Variants in RCC2 observed in about 807,000 individuals in gnomAD.
The protein encoded by RCC2 is regulator of chromosome condensation 2.
A neutral mutation model predicts 64.1 loss-of-function variants in RCC2; 19 were observed. That is an observed-to-expected ratio of 0.30 (90% confidence interval 0.21 to 0.44). RCC2 has a LOEUF of 0.44. RCC2 is among the 20% of genes least tolerant of loss of function. RCC2 has a pLI of 1.00. For synonymous variants in RCC2, 325 were observed against 279.6 expected, an observed-to-expected ratio of 1.16 and a Z score of -1.62; for missense variants, 508 against 710.4, an observed-to-expected ratio of 0.72 and a Z score of 3.24.
At position 17,409,941 on chromosome 1, in the gene RCC2, C is replaced by T. The variant is rs375045285; in HGVS notation, c.1464+33G>A. The stretch of plus-strand genomic sequence containing the variant: ...AGTGACATACCACTGGGTACGGACA[C>T]GTCCCCGAGCTGGCACAGCTGCCCC... On this transcript the variant is annotated intron_variant, in intron 12 of 12. Transcript: ENST00000375436. 3.8e-4 allele frequency: 593 copies of T among 1,580,410 alleles called. 7 individuals carry two copies. In the South Asian group the frequency reaches 6.1e-3, roughly 16 times the overall value.
intron 7 of RCC2, among the ~76,000 whole-genome samples, chr1:17,417,117 T>A (rs6586538): frequency 6.6e-6 from 1 of 152,008 alleles, no homozygotes; most frequent in Admixed American, 6.5e-5. Context: ...AAAAGCTCCA[T>A]ACACAATCCC....
chr1:17,408,961 A>G lies in RCC2; in HGVS notation c.*129T>C. On this transcript the variant is annotated 3_prime_UTR_variant, in exon 13 of 13. Transcript: ENST00000375436. The stretch of plus-strand genomic sequence containing the variant: ...TCATGTGTAAAACGGAACCTCAGGG[A>G]GTCTAAACAAAAATGCACCTTCGGT... The G allele has an allele frequency of 4.1e-6, 3 of 727,930 alleles. No individual in the cohort carries two copies. The highest frequency in any genetic ancestry group is 2.5e-5 in the East Asian group (1 of 40,660). 45.1% of individuals were successfully genotyped at this position (727,930 alleles called of 1,614,324 possible).
intron 3 of RCC2, among the ~76,000 whole-genome samples, chr1:17,428,536 C>A (rs953558186): frequency 1.3e-5 from 2 of 152,206 alleles, no homozygotes; most frequent in East Asian, 1.9e-4. Flanking sequence ...TAAAAGTTGG[C>A]TACATGCCAG....
intron 4 of RCC2, 75 bp from the exon 5 acceptor site, chr1:17,422,911 AAC>A: frequency 6.4e-7 from 1 of 1,566,182 alleles, no homozygotes; most frequent in Non-Finnish European, 8.8e-7. Context: ...GGCGAGTACA[AAC>A]ACACTCTCAA....
At chr1:17,433,863 G>A (rs1040027886) in intron 2 of RCC2, among the ~76,000 whole-genome samples, 4 of 152,064 alleles carry the variant, frequency 2.6e-5, no homozygotes, top group Non-Finnish European at 5.9e-5. Flanking sequence ...GAACAATGCC[G>A]GCATCGACCA....
rs989639010 is a variant in RCC2 at position 17,412,513 on chromosome 1, A to T, written c.1314-319T>A. 4.6e-5 allele frequency among the ~76,000 whole-genome samples: 7 copies of T among 152,218 alleles called. No individual in the cohort carries two copies. The East Asian group carries it at 5.8e-4, about 13-fold the overall frequency. On this transcript the variant is annotated intron_variant, in intron 10 of 12. Coordinates refer to ENST00000375436, the MANE Select transcript of RCC2 (RefSeq NM_018715.4). The stretch of plus-strand genomic sequence containing the variant: ...GAGGAGACCAGATCAGGATAAAGTG[A>T]AAGCCTGTTCCAGAGGGAGCAGCCT...
rs1367672608 is a variant in RCC2 at position 17,437,258 on chromosome 1, G to A, written c.285+972C>T. On this transcript the variant is annotated intron_variant, in intron 2 of 12. Transcript: ENST00000375436. The stretch of plus-strand genomic sequence containing the variant: ...CCTTAGGAGATGGGCACTTATGGAA[G>A]GAAAAAAACCTCTCCGGGTGTCAGG... Among the ~76,000 whole-genome samples, 5 of 152,088 alleles carry A rather than the reference G, an allele frequency of 3.3e-5. 1 individual carries two copies. Among genetic ancestry groups the A allele is most frequent in the African/African-American group, 1.2e-4 (5 of 41,398 alleles).
intron 7 of RCC2, among the ~76,000 whole-genome samples, chr1:17,418,213 ATTT>A (rs751372153): frequency 1.5e-4 from 19 of 128,720 alleles, no homozygotes; most frequent in African/African-American, 1.5e-4. Flanking sequence ...AGCAGGTTCT[ATTT>A]TTTTTTTTTT....
rs575374975 is a variant in RCC2 at position 17,420,639 on chromosome 1, G to C, written c.859+75C>G. 27 of 879,330 alleles carry C rather than the reference G, an allele frequency of 3.1e-5. No individual in the cohort carries two copies. In the South Asian group the frequency reaches 5.0e-4, roughly 16 times the overall value. The allele number at this position is 879,330 out of a possible 1,614,324, so 54.5% of individuals were successfully genotyped here. On this transcript the variant is annotated intron_variant, in intron 7 of 12. Coordinates refer to ENST00000375436, the MANE Select transcript of RCC2 (RefSeq NM_018715.4). Reference sequence around the variant, plus strand: ...TTACCCACATTTCTAACACGTGTGTGCAGCCCCACACTGATCTCTAGTTCT... The same window carrying C: ...TTACCCACATTTCTAACACGTGTGTCCAGCCCCACACTGATCTCTAGTTCT...
rs556402603 is a variant in RCC2 at position 17,416,730 on chromosome 1, C to A, written c.860-84G>T. 43 of 1,412,532 alleles carry A rather than the reference C, an allele frequency of 3.0e-5. No individual in the cohort carries two copies. In the African/African-American group the frequency reaches 4.5e-4, roughly 15 times the overall value. 87.5% of individuals were successfully genotyped at this position (1,412,532 alleles called of 1,614,324 possible). A position where few individuals can be genotyped will look rare whatever the true frequency, so the allele number is the denominator to read the frequency against. On this transcript the variant is annotated intron_variant, in intron 7 of 12. Coordinates refer to ENST00000375436, the MANE Select transcript of RCC2 (RefSeq NM_018715.4). The stretch of plus-strand genomic sequence containing the variant: ...GTGCTCACACGGACTCTGTAGTGAG[C>A]CCCGGCAGCACCCCAATCTGGCCCT...
rs1031652456 is a variant in RCC2 at position 17,425,760 on chromosome 1, C to T, written c.380-76G>A. 1.0e-5 allele frequency: 15 copies of T among 1,470,692 alleles called. No individual in the cohort carries two copies. In the African/African-American group the frequency reaches 1.7e-4, roughly 16 times the overall value. 91.1% of individuals were successfully genotyped at this position (1,470,692 alleles called of 1,614,324 possible). ...CTCCAAAATGTCACTGGCCACCAAG[C>T]AGCCACTTCCCGAGGGTACCAGGGA... On this transcript the variant is annotated intron_variant, in intron 3 of 12. Coordinates refer to ENST00000375436, the MANE Select transcript of RCC2 (RefSeq NM_018715.4).
chr1:17,431,359 A>AAAAAAAAAAATATATATATATATATATAT (rs1553158471), intron 2 of RCC2, among the ~76,000 whole-genome samples: 1 of 44,938 alleles, frequency 2.2e-5, no homozygotes, highest in Non-Finnish European at 3.8e-5. Flanking sequence ...AAAAAAAAAA[A>AAAAAAAAAAATATATATATATATATATAT]ATATATATAT....
chr1:17,438,769 A>C (rs908043040), intron 1 of RCC2, among the ~76,000 whole-genome samples: 6 of 152,206 alleles, frequency 3.9e-5, no homozygotes, highest in Admixed American at 3.9e-4. Context: ...TGGAGGGAGA[A>C]TTGAGACCCC....
chr1:17,424,996 G>A (rs2075597483), intron 4 of RCC2, among the ~76,000 whole-genome samples: 1 of 152,180 alleles, frequency 6.6e-6, no homozygotes, highest in Non-Finnish European at 1.5e-5. Flanking sequence ...TGAAGTATCT[G>A]GGGAAATATC....
At chr1:17,413,221 A>AGAGCT in intron 9 of RCC2, 43 bp from the exon 10 acceptor site, 1 of 1,361,738 alleles carries the variant, frequency 7.3e-7, no homozygotes, top group Non-Finnish European at 1.0e-6. Flanking sequence ...CCAGACATCG[A>AGAGCT]GAGCTGAGTC....
In RCC2 at chr1:17,408,516, C is replaced by G. The variant is rs1038159524; in HGVS notation, c.*574G>C. On this transcript the variant is annotated 3_prime_UTR_variant, in exon 13 of 13. Coordinates refer to ENST00000375436, the MANE Select transcript of RCC2 (RefSeq NM_018715.4). ...CAGAAGGCTGTGGGCGTACAGGCAG[C>G]CAAGGGGAGAAACAGAACCGACACC... The G allele has an allele frequency of 6.5e-6, 1 of 152,998 alleles. No homozygotes were observed. The highest frequency in any genetic ancestry group is 2.4e-5 in the African/African-American group (1 of 41,470). 9.5% of individuals were successfully genotyped at this position (152,998 alleles called of 1,614,324 possible). A position where few individuals can be genotyped will look rare whatever the true frequency, so the allele number is the denominator to read the frequency against.
intron 2 of RCC2, among the ~76,000 whole-genome samples, chr1:17,431,011 G>A (rs924614010): frequency 4.0e-5 from 6 of 151,460 alleles, no homozygotes; most frequent in Admixed American, 6.6e-5. Flanking sequence ...AAATAACGCC[G>A]ATGAAAGTTC....
rs147171425 is a variant in RCC2 at position 17,428,336 on chromosome 1, C to T, written c.379+770G>A. 1.3e-3 allele frequency among the ~76,000 whole-genome samples: 198 copies of T among 152,358 alleles called. 1 individual carries two copies. Among genetic ancestry groups the T allele is most frequent in the South Asian group, 8.1e-3 (39 of 4,832 alleles). On this transcript the variant is annotated intron_variant, in intron 3 of 12. Transcript: ENST00000375436. ...AAGGCTGGGCATTTTCCAAACAACGCGCTGCTGCTACCTGCAACTTAAACC... is the reference window on the plus strand; with the variant it reads ...AAGGCTGGGCATTTTCCAAACAACGTGCTGCTGCTACCTGCAACTTAAACC...
In RCC2 at chr1:17,426,235, G is replaced by A. The variant is rs371865179; in HGVS notation, c.380-551C>T. 1.3e-3 allele frequency among the ~76,000 whole-genome samples: 198 copies of A among 152,144 alleles called. 1 individual carries two copies. The highest frequency in any genetic ancestry group is 8.1e-3 in the South Asian group (39 of 4,810). Reference sequence around the variant, plus strand: ...CCTGGGCCAGAAGGCTCTTTCTGAGGGGTGACCCGAGTGTCCTGTCTTCAT... The same window carrying A: ...CCTGGGCCAGAAGGCTCTTTCTGAGAGGTGACCCGAGTGTCCTGTCTTCAT... On this transcript the variant is annotated intron_variant, in intron 3 of 12. Transcript: ENST00000375436.
Sources: allele counts gnomAD v4.1 joint callset (sites outside exome capture counted in the v4.1 genomes callset), GRCh38; gene constraint gnomAD v4.1.1; transcripts MANE v1.5; gene names NCBI Gene and HGNC (gene_info 2026-07-23, HGNC 2026-07-21).